The following TRAPPC9 variants were observed in gnomAD, a reference collection of about 807,000 sequenced individuals.
The protein encoded by TRAPPC9 is IKK2 binding protein.
Under a neutral mutation model 124.0 loss-of-function variants are expected in TRAPPC9, and 83 were observed. The ratio of observed to expected loss-of-function variants is 0.67; its 90% CI spans 0.56 to 0.80. The LOEUF (loss-of-function observed/expected upper bound fraction) is 0.80. Ranked by LOEUF, TRAPPC9 falls within the 30% of genes least tolerant of loss-of-function variation. TRAPPC9 has a pLI of 0.00. For synonymous variants in TRAPPC9, 638 were observed against 617.5 expected (o/e 1.03, Z -0.49); for missense variants, 1,302 against 1,508.3 (o/e 0.86, Z 2.27).
intron 17 of TRAPPC9, among the ~76,000 whole-genome samples, chr8:140,210,079 G>A (rs1055249884): frequency 9.9e-5 from 15 of 152,208 alleles, no homozygotes; most frequent in African/African-American, 3.6e-4. Context: ...TCTCCTCGGC[G>A]TCACATCCCG....
At chr8:140,281,361 T>C (rs796365404) in intron 14 of TRAPPC9, among the ~76,000 whole-genome samples, 15 of 152,332 alleles carry the variant, frequency 9.8e-5, no homozygotes, top group African/African-American at 3.4e-4. Flanking sequence ...CAGAGACTAA[T>C]GATGTCGACC....
intron 15 of TRAPPC9, among the ~76,000 whole-genome samples, chr8:140,272,094 ATGAG>A (rs1450729931): frequency 6.3e-4 from 36 of 57,198 alleles, no homozygotes; most frequent in African/African-American, 1.6e-3. Context: ...TGTGTTGATG[ATGAG>A]GTGATTGTGG....
chr8:139,985,483 C>T (rs1336354307), intron 19 of TRAPPC9, among the ~76,000 whole-genome samples: 1 of 152,206 alleles, frequency 6.6e-6, no homozygotes, highest in Admixed American at 6.5e-5. Context: ...TGTCCTCATC[C>T]TGAGGAACCT....
At chr8:140,336,634 G>A (rs2067049505) in intron 9 of TRAPPC9, among the ~76,000 whole-genome samples, 1 of 152,050 alleles carries the variant, frequency 6.6e-6, no homozygotes, top group Admixed American at 6.6e-5. Flanking sequence ...ATTTTCTTTG[G>A]GCTGAGTAGC....
chr8:140,206,294 A>G (rs1211659849), intron 17 of TRAPPC9, among the ~76,000 whole-genome samples: 1 of 152,250 alleles, frequency 6.6e-6, no homozygotes. Context: ...AACTGCTTTT[A>G]AAGTCAGCCA....
intron 17 of TRAPPC9, among the ~76,000 whole-genome samples, chr8:140,092,093 C>A (rs76470162): frequency 5.5e-4 from 79 of 142,484 alleles, no homozygotes; most frequent in Non-Finnish European, 7.2e-4. Context: ...AAAAAAAAAA[C>A]AAACCTTTTT....
Position 139,961,480 on chromosome 8 carries a change from A to G in TRAPPC9, c.2810+27246T>C, listed in dbSNP as rs1215482777. On this transcript the variant is annotated intron_variant, in intron 19 of 22. Coordinates refer to ENST00000438773, the MANE Select transcript of TRAPPC9 (RefSeq NM_001160372.4). Reference sequence around the variant, plus strand: ...ACGGAGCAGGCAAGAGCCCCACCCTACTGGGCAGGGCTACAGCCACTGAAA... The same window carrying G: ...ACGGAGCAGGCAAGAGCCCCACCCTGCTGGGCAGGGCTACAGCCACTGAAA... Among the ~76,000 whole-genome samples the G allele has an allele frequency of 2.4e-5, 3 of 123,210 alleles. 1 individual carries two copies. Among genetic ancestry groups the G allele is most frequent in the African/African-American group, 7.7e-5 (3 of 39,088 alleles). 80.8% of individuals were successfully genotyped at this position (123,210 alleles called of 152,430 possible). A position where few individuals can be genotyped will look rare whatever the true frequency, so the allele number is the denominator to read the frequency against.
At chr8:140,043,971 C>T (rs1454093520) in intron 17 of TRAPPC9, among the ~76,000 whole-genome samples, 1 of 152,194 alleles carries the variant, frequency 6.6e-6, no homozygotes, top group Admixed American at 6.5e-5. Context: ...CCAGGTCAGA[C>T]TCCAGCCACA....
intron 9 of TRAPPC9, among the ~76,000 whole-genome samples, chr8:140,336,790 T>C (rs1357775948): frequency 6.6e-6 from 1 of 152,174 alleles, no homozygotes; most frequent in East Asian, 1.9e-4. Context: ...AACAAACTAA[T>C]GGAAGTCATC....
chr8:140,399,440 T>C (rs1327968592), intron 6 of TRAPPC9, among the ~76,000 whole-genome samples: 1 of 152,166 alleles, frequency 6.6e-6, no homozygotes, highest in Non-Finnish European at 1.5e-5. Flanking sequence ...AGGGGCAGGG[T>C]TGCCCAAGAC....
intron 18 of TRAPPC9, among the ~76,000 whole-genome samples, chr8:140,004,642 T>C (rs1357721111): frequency 5.3e-5 from 8 of 152,178 alleles, no homozygotes; most frequent in Admixed American, 1.3e-4. Flanking sequence ...GGGGCTATTA[T>C]TAGCTTGGTT....
At chr8:140,279,253 T>C (rs1209978112) in intron 14 of TRAPPC9, among the ~76,000 whole-genome samples, 1 of 152,206 alleles carries the variant, frequency 6.6e-6, no homozygotes, top group Non-Finnish European at 1.5e-5. Flanking sequence ...TGAGAGCTCA[T>C]ACAAGGGCAG....
chr8:139,970,013 T>C (rs1279196651), intron 19 of TRAPPC9, among the ~76,000 whole-genome samples: 1 of 152,222 alleles, frequency 6.6e-6, no homozygotes, highest in Non-Finnish European at 1.5e-5. Flanking sequence ...GCAAAAAATG[T>C]TGTGTTAGCC....
chr8:140,115,789 C>A (rs994339939), intron 17 of TRAPPC9, among the ~76,000 whole-genome samples: 2 of 152,050 alleles, frequency 1.3e-5, no homozygotes, highest in African/African-American at 4.8e-5. Context: ...TTGTTCCACA[C>A]TTACGGGCTA....
At chr8:139,935,027 C>T (rs1833421376) in intron 19 of TRAPPC9, among the ~76,000 whole-genome samples, 1 of 152,136 alleles carries the variant, frequency 6.6e-6, no homozygotes, top group Non-Finnish European at 1.5e-5. Flanking sequence ...GACAGAGGAC[C>T]ACAGGTATTC....
In TRAPPC9 at chr8:139,737,470, C is replaced by CCCA. The variant is rs1818267276; in HGVS notation, c.3056-5269_3056-5268insTGG. On this transcript the variant is annotated intron_variant, in intron 21 of 22. Coordinates refer to ENST00000438773, the MANE Select transcript of TRAPPC9 (RefSeq NM_001160372.4). ...TCAGGCGGGGGTCATCAGCCCTCCC[C>CCCA]CCCCCCCCACGGAAAACCCTGAGTC... Among the ~76,000 whole-genome samples the CCCA allele has an allele frequency of 1.8e-5, 2 of 113,470 alleles. 1 individual carries two copies. The highest frequency in any genetic ancestry group is 6.1e-5 in the African/African-American group (2 of 32,966). 74.4% of individuals were successfully genotyped at this position (113,470 alleles called of 152,430 possible).
chr8:139,764,153 GA>G (rs1820422941), intron 21 of TRAPPC9, among the ~76,000 whole-genome samples: 1 of 152,176 alleles, frequency 6.6e-6, no homozygotes, highest in African/African-American at 2.4e-5. Flanking sequence ...AGGCCACAGT[GA>G]CACATCCACT....
rs557610464 is a variant in TRAPPC9, at chr8:139,970,099, A to ACCT, written c.2810+18624_2810+18626dup. ...TAAACCACAGCCTGTTTTCTACGAG[A>ACCT]CCTCCTCCTCCTGCTCTTTCTGCCC... is the stretch of plus-strand genomic sequence containing the variant. On this transcript the variant is annotated intron_variant, in intron 19 of 22. Transcript: ENST00000438773. 1.0e-3 allele frequency among the ~76,000 whole-genome samples: 157 copies of ACCT among 152,114 alleles called. 4 individuals are homozygous for ACCT. The highest frequency in any genetic ancestry group is 9.0e-3 in the Admixed American group (137 of 15,296).
At chr8:140,168,988 G>T (rs1318228938) in intron 17 of TRAPPC9, among the ~76,000 whole-genome samples, 1 of 151,028 alleles carries the variant, frequency 6.6e-6, no homozygotes, top group Non-Finnish European at 1.5e-5. Context: ...GGATGCTGGA[G>T]GTTCTGACAC....
Sources: gnomAD v4.1 joint callset for allele counts (sites outside exome capture counted in the v4.1 genomes callset) on GRCh38, gnomAD v4.1.1 for gene constraint, MANE v1.5 for transcripts, NCBI Gene and HGNC (gene_info 2026-07-23, HGNC 2026-07-21) for gene names.